Variants in COL28A1 observed in about 807,000 individuals in gnomAD.
COL28A1 encodes the protein collagen type XXVIII alpha 1 chain.
COL28A1 carries 161 observed loss-of-function variants against 150.2 expected under a neutral mutation model. The ratio of observed to expected loss-of-function variants is 1.07; its 90% CI spans 0.94 to 1.22. COL28A1 has a LOEUF of 1.22. Ranked by LOEUF, COL28A1 falls within the 50% of genes most tolerant of loss-of-function variation. The pLI is 0.00. For missense variants in COL28A1, 1,617 were observed against 1,388.3 expected (o/e 1.16, Z -2.62); for synonymous variants, 552 against 469.7 (o/e 1.18, Z -2.26).
chr7:7,534,206 G>C lies in COL28A1; in HGVS notation c.-37-1294C>G, dbSNP rs375104562. Reference sequence around the variant, plus strand: ...AGTGTATTAAAAGAACTTTGGATAGGTATGACCAAACATCTTGTGTAGCAA... The same window carrying C: ...AGTGTATTAAAAGAACTTTGGATAGCTATGACCAAACATCTTGTGTAGCAA... On this transcript the variant is annotated intron_variant, in intron 1 of 34. Transcript: ENST00000399429. Among the ~76,000 whole-genome samples, 38 of 152,236 alleles carry C rather than the reference G, an allele frequency of 2.5e-4. 1 individual carries two copies. Among genetic ancestry groups the C allele is most frequent in the African/African-American group, 8.9e-4 (37 of 41,540 alleles).
chr7:7,464,807 G>T (rs1003311156), intron 15 of COL28A1, among the ~76,000 whole-genome samples: 4 of 152,136 alleles, frequency 2.6e-5, no homozygotes, highest in Non-Finnish European at 5.9e-5. Context: ...AAATAAGCAA[G>T]ATCAGAGCAG....
intron 1 of COL28A1, among the ~76,000 whole-genome samples, chr7:7,533,457 T>A (rs958170836): frequency 6.6e-6 from 1 of 152,156 alleles, no homozygotes. Flanking sequence ...TCTGTTTCCA[T>A]AGAACCCCAT....
At chr7:7,417,726 A>C in intron 27 of COL28A1, 133 bp downstream of exon 27, 2 of 737,062 alleles carry the variant, frequency 2.7e-6, no homozygotes, top group Non-Finnish European at 4.8e-6. Flanking sequence ...GTCTCTAAAC[A>C]CTGGATGCCA....
chr7:7,430,548 A>G (rs879643953), intron 25 of COL28A1, among the ~76,000 whole-genome samples: 10 of 152,214 alleles, frequency 6.6e-5, no homozygotes, highest in Non-Finnish European at 1.3e-4. Flanking sequence ...TAAAAAATTC[A>G]TAATAATCTA....
intron 27 of COL28A1, among the ~76,000 whole-genome samples, chr7:7,401,020 G>GTGTGTGTGTGTGTA (rs1783168494): frequency 2.0e-5 from 3 of 147,208 alleles, no homozygotes; most frequent in African/African-American, 2.5e-5. Flanking sequence ...GTGTGTGTGT[G>GTGTGTGTGTGTGTA]TGTGTACAGC....
chr7:7,520,932 C>T (rs372945938), intron 5 of COL28A1, among the ~76,000 whole-genome samples: 24 of 152,258 alleles, frequency 1.6e-4, no homozygotes, highest in African/African-American at 3.9e-4. Context: ...TATCATATAA[C>T]GCATCTAACT....
intron 30 of COL28A1, among the ~76,000 whole-genome samples, chr7:7,378,095 G>A (rs906810057): frequency 6.6e-6 from 1 of 151,992 alleles, no homozygotes; most frequent in South Asian, 2.1e-4. Context: ...AGATGTCCAC[G>A]GGCAGCCAAG....
At chr7:7,533,810 C>T (rs1978190) in intron 1 of COL28A1, among the ~76,000 whole-genome samples, 126,956 of 152,220 alleles carry the variant, frequency 0.83, 55,217 homozygotes, top group East Asian at 0.99. Context: ...TCATGTGTTG[C>T]TGCCTCAGTA....
intron 21 of COL28A1, among the ~76,000 whole-genome samples, chr7:7,438,331 A>C (rs1785501468): frequency 6.6e-6 from 1 of 152,236 alleles, no homozygotes; most frequent in South Asian, 2.1e-4. Flanking sequence ...GAGATGTCTA[A>C]TATTTAGAGT....
rs77484585 is a variant in COL28A1, at chr7:7,445,513, A to G, written c.1510-1024T>C. On this transcript the variant is annotated intron_variant, in intron 18 of 34. Transcript: ENST00000399429. ...TCAGTTCCTAGTACTTTCTTACATC[A>G]GCTCTAGAAAACTAATATAAAAGTG... Among the ~76,000 whole-genome samples the G allele has an allele frequency of 2.3e-3, 351 of 152,344 alleles. 19 individuals are homozygous for G. The East Asian group carries it at 0.055, about 24-fold the overall frequency.
chr7:7,402,820 A>C (rs1783285847), intron 27 of COL28A1, among the ~76,000 whole-genome samples: 1 of 152,188 alleles, frequency 6.6e-6, no homozygotes, highest in Admixed American at 6.5e-5. Context: ...TATCTTCAGC[A>C]CTTACCACAG....
chr7:7,416,746 G>A (rs1444381108), intron 27 of COL28A1, among the ~76,000 whole-genome samples: 3 of 152,192 alleles, frequency 2.0e-5, no homozygotes, highest in African/African-American at 7.2e-5. Context: ...GACATTGTGT[G>A]ATAAAACTGG....
At chr7:7,499,442 C>T (rs1429324169) in intron 11 of COL28A1, among the ~76,000 whole-genome samples, 1 of 152,054 alleles carries the variant, frequency 6.6e-6, no homozygotes, top group African/African-American at 2.4e-5. Context: ...TATATGAAGC[C>T]AAAAATACAG....
chr7:7,439,587 A>C (rs1785604880), intron 21 of COL28A1, among the ~76,000 whole-genome samples: 2 of 152,190 alleles, frequency 1.3e-5, no homozygotes, highest in Admixed American at 1.3e-4. Flanking sequence ...AACATATGGC[A>C]ATTCTTCACC....
chr7:7,347,412 C>T, the COL28A1 span, among the ~76,000 whole-genome samples: 1 of 152,056 alleles, frequency 6.6e-6, no homozygotes, highest in Non-Finnish European at 1.5e-5. Context: ...TGCTATATTT[C>T]TAAAAATGTT....
chr7:7,384,140 A>C (rs1782050204), intron 27 of COL28A1, among the ~76,000 whole-genome samples: 1 of 152,212 alleles, frequency 6.6e-6, no homozygotes, highest in Non-Finnish European at 1.5e-5. Context: ...TAAGTTCTTT[A>C]CAGGGGTGAG....
At chr7:7,393,517 A>T (rs554856250) in intron 27 of COL28A1, among the ~76,000 whole-genome samples, 2 of 152,374 alleles carry the variant, frequency 1.3e-5, no homozygotes, top group Admixed American at 1.3e-4. Context: ...CAAAGCCAGC[A>T]GGCAGGGATG....
chr7:7,461,512 C>T lies in COL28A1; in HGVS notation c.1303-5400G>A, dbSNP rs150370670. Reference sequence around the variant, plus strand: ...GGGCAACCTCTCAGCCCTACTCACCCACTGCCTGGAAACAGACTCAGTGTT... The same window carrying T: ...GGGCAACCTCTCAGCCCTACTCACCTACTGCCTGGAAACAGACTCAGTGTT... On this transcript the variant is annotated intron_variant, in intron 15 of 34. Transcript: ENST00000399429. Among the ~76,000 whole-genome samples, 707 of 152,266 alleles carry T rather than the reference C, an allele frequency of 4.6e-3. 5 individuals carry two copies. The highest frequency in any genetic ancestry group is 0.022 in the East Asian group (114 of 5,174).
At position 7,372,985 on chromosome 7, in the gene COL28A1, T is replaced by A; in HGVS notation, c.2908+13A>T. The A allele has an allele frequency of 6.2e-7, 1 of 1,606,350 alleles. No individual in the cohort carries two copies. The highest frequency in any genetic ancestry group is 8.5e-7 in the Non-Finnish European group (1 of 1,175,732). ...ATAAATGCCTTTCCCCTGGGCCAGA[T>A]AGCCTTCCTTACCTTGCAGGGTAAA... is the stretch of plus-strand genomic sequence containing the variant. On this transcript the variant is annotated intron_variant, in intron 32 of 34. Coordinates refer to ENST00000399429, the MANE Select transcript of COL28A1 (RefSeq NM_001037763.3).
Sources: allele counts gnomAD v4.1 joint callset (sites outside exome capture counted in the v4.1 genomes callset), GRCh38; gene constraint gnomAD v4.1.1; transcripts MANE v1.5; gene names NCBI Gene and HGNC (gene_info 2026-07-23, HGNC 2026-07-21).